STK10: variants seen among roughly 807,000 people sequenced by gnomAD.
STK10 encodes the protein serine/threonine-protein kinase 10.
Under a neutral mutation model 113.8 loss-of-function variants are expected in STK10, and 78 were observed. That is an observed-to-expected ratio of 0.69 (90% CI 0.57 to 0.83). The LOEUF (loss-of-function observed/expected upper bound fraction) is 0.83. STK10 is among the 40% of genes least tolerant of loss of function. The probability of loss-of-function intolerance (pLI) is 0.00; values close to 1 mark genes in which losing one functional copy is unlikely to be tolerated. For missense variants in STK10, 1,109 were observed against 1,280.1 expected, an observed-to-expected ratio of 0.87 and a Z score of 2.04; for synonymous variants, 465 against 494.7, an observed-to-expected ratio of 0.94 and a Z score of 0.80.
chr5:172,086,003 G>A (rs902356335), intron 10 of STK10, among the ~76,000 whole-genome samples: 3 of 152,202 alleles, frequency 2.0e-5, no homozygotes, highest in Admixed American at 2.0e-4. Flanking sequence ...CATTCTCTGG[G>A]GTCGCAGCGC....
chr5:172,112,671 G>C (rs991498717), intron 4 of STK10, among the ~76,000 whole-genome samples: 1 of 150,814 alleles, frequency 6.6e-6, no homozygotes, highest in Non-Finnish European at 1.5e-5. Flanking sequence ...CGCCCACCTC[G>C]GCCTCCCAAA....
rs780736395 is a variant in STK10, at chr5:172,107,827, A to G, written c.546T>C (p.Asn182=). ...RLADFGVSAK[N]LKTLQKRDSF... ...AATCTCGTTTCTGTAGAGTCTTCAG[A>G]TTCTTGGCAGACACACCAAAGTCAG... Residue 182 remains asparagine, a synonymous_variant, in exon 5 of 19, where the codon AAT becomes AAC. Coordinates refer to ENST00000176763, the MANE Select transcript of STK10 (RefSeq NM_005990.4). 1.9e-6 allele frequency: 3 copies of G among 1,614,074 alleles called. No homozygotes were observed. Among genetic ancestry groups the G allele is most frequent in the Non-Finnish European group, 2.5e-6 (3 of 1,180,032 alleles).
At chr5:172,129,168 A>G (rs1210042808) in intron 2 of STK10, among the ~76,000 whole-genome samples, 1 of 152,182 alleles carries the variant, frequency 6.6e-6, no homozygotes, top group African/African-American at 2.4e-5. Flanking sequence ...TAGGGGTATA[A>G]GCCGGGCTGG....
intron 7 of STK10, among the ~76,000 whole-genome samples, chr5:172,100,603 A>G (rs192674035): frequency 1.2e-3 from 188 of 152,166 alleles, no homozygotes; most frequent in Non-Finnish European, 2.1e-3. Context: ...CCTGGCCAAC[A>G]TGGCGAAATC....
intron 1 of STK10, among the ~76,000 whole-genome samples, chr5:172,160,427 A>G (rs1770447932): frequency 1.3e-5 from 2 of 151,966 alleles, no homozygotes; most frequent in South Asian, 4.2e-4. Context: ...GTGAGCCGAG[A>G]TCGCACCACT....
rs749360558 is a variant in STK10, at chr5:172,055,763, ATCTGCTCCCGCTCC to A, written c.2338-1_2350del. On this transcript the variant is annotated splice_acceptor_variant and coding_sequence_variant, in exon 16 of 19. Coordinates refer to ENST00000176763, the MANE Select transcript of STK10 (RefSeq NM_005990.4). LOFTEE classifies it high-confidence loss of function. The stretch of plus-strand genomic sequence containing the variant: ...TATCATGCGCTGGTTGTAGCGCTGC[ATCTGCTCCCGCTCC>A]TGGAGAGGAATATCCAGAGGGGCTG... The A allele has an allele frequency of 6.7e-7, 1 of 1,503,254 alleles. No homozygotes were observed. Among genetic ancestry groups the A allele is most frequent in the Admixed American group, 2.2e-5 (1 of 46,208 alleles). 93.1% of individuals were successfully genotyped at this position (1,503,254 alleles called of 1,614,324 possible). A position where few individuals can be genotyped will look rare whatever the true frequency, so the allele number is the denominator to read the frequency against.
chr5:172,128,342 CTTT>C (rs796522947), intron 2 of STK10, among the ~76,000 whole-genome samples: 1 of 135,748 alleles, frequency 7.4e-6, no homozygotes, highest in African/African-American at 2.7e-5. Context: ...TTCTTCTTTC[CTTT>C]TTTTTTTTTT....
chr5:172,062,367 T>C (rs1024603629), intron 13 of STK10, among the ~76,000 whole-genome samples: 3 of 152,226 alleles, frequency 2.0e-5, no homozygotes, highest in African/African-American at 7.2e-5. Context: ...GGTAGGTATG[T>C]CTATACAAGT....
chr5:172,079,166 C>T lies in STK10; in HGVS notation c.1989+3160G>A, dbSNP rs191007693. Among the ~76,000 whole-genome samples, 41 of 152,328 alleles carry T rather than the reference C, an allele frequency of 2.7e-4. 1 individual carries two copies. The highest frequency in any genetic ancestry group is 2.2e-3 in the Admixed American group (34 of 15,304). On this transcript the variant is annotated intron_variant, in intron 12 of 18. Coordinates refer to ENST00000176763, the MANE Select transcript of STK10 (RefSeq NM_005990.4). Reference sequence around the variant, plus strand: ...CTCCTGCCTGTGGCCCACTGCCCTACGTGGTCTCTGCCTACCTGTCTGATT... The same window carrying T: ...CTCCTGCCTGTGGCCCACTGCCCTATGTGGTCTCTGCCTACCTGTCTGATT...
chr5:172,159,919 C>CTT (rs1304359082), intron 1 of STK10, among the ~76,000 whole-genome samples: 1 of 150,086 alleles, frequency 6.7e-6, no homozygotes, highest in African/African-American at 2.5e-5. Context: ...GGGCGGATCA[C>CTT]AAGGTCAGGA....
At chr5:172,156,829 G>T (rs141989681) in intron 1 of STK10, 41 bp from the exon 2 acceptor site, 6 of 1,586,316 alleles carry the variant, frequency 3.8e-6, no homozygotes, top group Non-Finnish European at 4.3e-6. Context: ...GGCATGCTCC[G>T]CAGGAAACTG....
chr5:172,115,554 A>G (rs1477442532), intron 4 of STK10, among the ~76,000 whole-genome samples: 1 of 152,170 alleles, frequency 6.6e-6, no homozygotes, highest in African/African-American at 2.4e-5. Context: ...ATTTGGCTCC[A>G]TGATGTACAC....
At chr5:172,123,132 C>G (rs866121759) in intron 3 of STK10, among the ~76,000 whole-genome samples, 9 of 152,310 alleles carry the variant, frequency 5.9e-5, no homozygotes, top group Non-Finnish European at 1.0e-4. Flanking sequence ...GGGCCCCAAG[C>G]TCAGGCCAGT....
chr5:172,153,736 C>T (rs907969810), intron 2 of STK10, among the ~76,000 whole-genome samples: 3 of 152,246 alleles, frequency 2.0e-5, no homozygotes, highest in Non-Finnish European at 1.5e-5. Context: ...CGCCTGAGAA[C>T]CATCACACAG....
intron 1 of STK10, among the ~76,000 whole-genome samples, chr5:172,174,481 A>T (rs890989651): frequency 2.0e-5 from 3 of 152,134 alleles, no homozygotes; most frequent in African/African-American, 7.2e-5. Flanking sequence ...CCTGCAGCTC[A>T]GCAGTTATGA....
At chr5:172,128,614 A>T (rs1453038955) in intron 2 of STK10, among the ~76,000 whole-genome samples, 1 of 152,170 alleles carries the variant, frequency 6.6e-6, no homozygotes. Flanking sequence ...TACAGGCGTG[A>T]GCCACCCTGC....
At chr5:172,085,293 T>C (rs542779304) in intron 10 of STK10, among the ~76,000 whole-genome samples, 2 of 152,108 alleles carry the variant, frequency 1.3e-5, no homozygotes, top group South Asian at 4.2e-4. Flanking sequence ...TAATTATATA[T>C]ATATATTTAT....
chr5:172,148,168 G>A (rs915257604), intron 2 of STK10, among the ~76,000 whole-genome samples: 3 of 152,058 alleles, frequency 2.0e-5, no homozygotes, highest in Non-Finnish European at 4.4e-5. Context: ...TATCATCCCC[G>A]ACGTCCAGAT....
chr5:172,149,878 T>C (rs900530882), intron 2 of STK10, among the ~76,000 whole-genome samples: 4 of 151,244 alleles, frequency 2.6e-5, no homozygotes, highest in African/African-American at 9.7e-5. Context: ...AAACCTCGTC[T>C]CTACTAAATA....
Sources: gnomAD v4.1 joint callset for allele counts (sites outside exome capture counted in the v4.1 genomes callset) on GRCh38, gnomAD v4.1.1 for gene constraint, MANE v1.5 for transcripts, NCBI Gene and HGNC (gene_info 2026-07-23, HGNC 2026-07-21) for gene names.